GRM8: variants seen among roughly 807,000 people sequenced by gnomAD.
GRM8 encodes the protein glutamate metabotropic receptor 8.
A neutral mutation model predicts 87.2 loss-of-function variants in GRM8; 47 were observed. That is an observed-to-expected ratio of 0.54 (90% CI 0.43 to 0.69). GRM8 has a LOEUF of 0.69. GRM8 is among the 30% of genes least tolerant of loss of function. GRM8 has a pLI of 0.00. For missense variants in GRM8, 1,019 were observed against 1,139.2 expected (o/e 0.89, Z 1.52); for synonymous variants, 396 against 404.5 (o/e 0.98, Z 0.25).
chr7:126,660,755 A>G (rs147593228), intron 7 of GRM8, among the ~76,000 whole-genome samples: 1 of 152,374 alleles, frequency 6.6e-6, no homozygotes, highest in Non-Finnish European at 1.5e-5. Flanking sequence ...ACTTCTGGTT[A>G]AAGTTCCAAG....
intron 3 of GRM8, among the ~76,000 whole-genome samples, chr7:127,000,319 G>A (rs953418902): frequency 6.6e-6 from 1 of 151,534 alleles, no homozygotes; most frequent in African/African-American, 2.4e-5. Flanking sequence ...CAATGAATAA[G>A]ACCTAGTATT....
intron 6 of GRM8, among the ~76,000 whole-genome samples, chr7:126,889,346 C>T (rs1055844871): frequency 2.0e-5 from 3 of 152,082 alleles, no homozygotes; most frequent in African/African-American, 7.2e-5. Flanking sequence ...AATTATTAAA[C>T]ACAGAAAGCA....
intron 6 of GRM8, among the ~76,000 whole-genome samples, chr7:126,798,224 A>C (rs1207422100): frequency 6.6e-6 from 1 of 152,096 alleles, no homozygotes; most frequent in Non-Finnish European, 1.5e-5. Context: ...GAATGCCCCA[A>C]AGCAGATTCA....
At chr7:127,186,656 T>C (rs1351704697) in intron 2 of GRM8, among the ~76,000 whole-genome samples, 1 of 152,202 alleles carries the variant, frequency 6.6e-6, no homozygotes, top group Non-Finnish European at 1.5e-5. Context: ...ATCTGTTACC[T>C]ACCTAAACTC....
chr7:126,659,431 T>C (rs1203135094), intron 7 of GRM8, among the ~76,000 whole-genome samples: 1 of 152,190 alleles, frequency 6.6e-6, no homozygotes, highest in Non-Finnish European at 1.5e-5. Context: ...TACATATTTT[T>C]TTCCTAAATA....
At chr7:127,065,389 C>T (rs1821008535) in intron 3 of GRM8, among the ~76,000 whole-genome samples, 1 of 152,128 alleles carries the variant, frequency 6.6e-6, no homozygotes, top group Admixed American at 6.6e-5. Context: ...GGAGGAGGGA[C>T]AGATGCAGAA....
chr7:126,909,076 C>A (rs2518955), intron 3 of GRM8, among the ~76,000 whole-genome samples: 59,005 of 151,936 alleles, frequency 0.39, 11,753 homozygotes, highest in East Asian at 0.66. Context: ...AGACAAAGAC[C>A]GCCAGTCCTC....
intron 6 of GRM8, among the ~76,000 whole-genome samples, chr7:126,802,789 TA>T (rs1312013507): frequency 6.6e-6 from 1 of 152,110 alleles, no homozygotes; most frequent in African/African-American, 2.4e-5. Flanking sequence ...ACCACAAAAT[TA>T]AAGTTTTAAA....
At chr7:126,661,807 C>T (rs542794441) in intron 7 of GRM8, among the ~76,000 whole-genome samples, 1 of 152,308 alleles carries the variant, frequency 6.6e-6, no homozygotes, top group East Asian at 1.9e-4. Flanking sequence ...ATTTAAAATC[C>T]ACTCATAGAG....
chr7:126,822,488 CTCTG>C (rs1455033379), intron 6 of GRM8, among the ~76,000 whole-genome samples: 2 of 150,444 alleles, frequency 1.3e-5, no homozygotes, highest in African/African-American at 2.4e-5. Flanking sequence ...CTTTCTTTTC[CTCTG>C]TCTTTCTCCT....
At chr7:126,588,600 A>T (rs1796383755) in intron 8 of GRM8, among the ~76,000 whole-genome samples, 1 of 152,128 alleles carries the variant, frequency 6.6e-6, no homozygotes, top group Non-Finnish European at 1.5e-5. Context: ...GACACATAGG[A>T]TTTATGGGGG....
At chr7:126,691,340 A>T (rs1386143546) in intron 7 of GRM8, among the ~76,000 whole-genome samples, 3 of 152,146 alleles carry the variant, frequency 2.0e-5, no homozygotes, top group Non-Finnish European at 4.4e-5. Flanking sequence ...AGGCACCGGG[A>T]GTGGGGAGAG....
At chr7:127,011,018 T>G (rs1305883929) in intron 3 of GRM8, among the ~76,000 whole-genome samples, 1 of 152,144 alleles carries the variant, frequency 6.6e-6, no homozygotes. Flanking sequence ...TTATTACTTA[T>G]TATTGTCCTT....
chr7:126,556,412 C>T (rs950794690), intron 8 of GRM8, among the ~76,000 whole-genome samples: 3 of 149,988 alleles, frequency 2.0e-5, no homozygotes, highest in South Asian at 2.1e-4. Context: ...TTTGGGAGGC[C>T]GAGGTGGGTG....
chr7:126,731,547 T>A (rs1813581018), intron 7 of GRM8, among the ~76,000 whole-genome samples: 1 of 152,080 alleles, frequency 6.6e-6, no homozygotes, highest in Non-Finnish European at 1.5e-5. Flanking sequence ...TCTTAACTTG[T>A]GCATTCTGTG....
chr7:126,834,915 A>G (rs58042731), intron 6 of GRM8, among the ~76,000 whole-genome samples: 2 of 151,918 alleles, frequency 1.3e-5, no homozygotes, highest in African/African-American at 4.8e-5. Context: ...TCTCTGAAAA[A>G]TAACTAAAAA....
intron 7 of GRM8, among the ~76,000 whole-genome samples, chr7:126,725,210 G>T (rs1238350664): frequency 6.6e-6 from 1 of 152,178 alleles, no homozygotes; most frequent in Non-Finnish European, 1.5e-5. Flanking sequence ...AGTGATCTGT[G>T]TGTCACTTTT....
At chr7:126,919,786 C>A (rs1457678560) in intron 3 of GRM8, among the ~76,000 whole-genome samples, 1 of 152,086 alleles carries the variant, frequency 6.6e-6, no homozygotes, top group Non-Finnish European at 1.5e-5. Flanking sequence ...CTTACTCTGT[C>A]TTTCCCATTT....
chr7:126,762,162 T>C (rs1240693159), intron 7 of GRM8, among the ~76,000 whole-genome samples: 1 of 152,064 alleles, frequency 6.6e-6, no homozygotes, highest in African/African-American at 2.4e-5. Flanking sequence ...AAAATATATG[T>C]AAAATAAATA....
Sources: allele counts gnomAD v4.1 joint callset (sites outside exome capture counted in the v4.1 genomes callset), GRCh38; gene constraint gnomAD v4.1.1; transcripts MANE v1.5; gene names NCBI Gene and HGNC (gene_info 2026-07-23, HGNC 2026-07-21).